The following RPS6KA2 variants were observed in gnomAD, a reference collection of about 807,000 sequenced individuals.
RPS6KA2 encodes ribosomal protein S6 kinase alpha-2.
In RPS6KA2, 42 loss-of-function variants were observed where a neutral mutation model predicts 91.8. The observed-to-expected ratio is 0.46, with a 90% CI of 0.36 to 0.59. The LOEUF (loss-of-function observed/expected upper bound fraction) is 0.59, where lower values mean the gene tolerates loss of function less well. Among genes scored for constraint, RPS6KA2 ranks in the 20% least tolerant of loss-of-function variants. The pLI is 0.00. For missense variants in RPS6KA2, 798 were observed against 978.5 expected (o/e 0.82, Z 2.46); for synonymous variants, 414 against 393.6 (o/e 1.05, Z -0.61).
At chr6:166,523,940 C>T (rs1782940423) in intron 3 of RPS6KA2, among the ~76,000 whole-genome samples, 1 of 152,200 alleles carries the variant, frequency 6.6e-6, no homozygotes, top group African/African-American at 2.4e-5. Context: ...TCTGCATTCC[C>T]AGTGCCTCTG....
chr6:166,536,579 A>G (rs867068878), intron 2 of RPS6KA2, among the ~76,000 whole-genome samples: 14 of 152,184 alleles, frequency 9.2e-5, no homozygotes, highest in South Asian at 2.1e-4. Flanking sequence ...TGAGAATAGT[A>G]TCTCTTCTTT....
intron 2 of RPS6KA2, among the ~76,000 whole-genome samples, chr6:166,814,169 T>C (rs891269463): frequency 1.3e-5 from 2 of 152,240 alleles, no homozygotes; most frequent in African/African-American, 4.8e-5. Context: ...ACATGGATGA[T>C]AGTATGTTTC....
At chr6:166,641,031 A>G (rs1392748434) in intron 2 of RPS6KA2, among the ~76,000 whole-genome samples, 1 of 152,196 alleles carries the variant, frequency 6.6e-6, no homozygotes, top group Non-Finnish European at 1.5e-5. Context: ...ACTCCAATCC[A>G]AACTTATAGT....
chr6:166,450,142 C>G (rs143699034), intron 13 of RPS6KA2, among the ~76,000 whole-genome samples: 2 of 149,574 alleles, frequency 1.3e-5, no homozygotes, highest in Non-Finnish European at 3.0e-5. Flanking sequence ...ACCATGGGAA[C>G]CACCACAGGG....
intron 1 of RPS6KA2, among the ~76,000 whole-genome samples, chr6:166,608,710 T>C (rs1362699065): frequency 6.6e-6 from 1 of 152,178 alleles, no homozygotes; most frequent in Non-Finnish European, 1.5e-5. Context: ...CCTCACAAGT[T>C]TTCTATTTCT....
rs897983580 is a variant in RPS6KA2 at position 166,568,556 on chromosome 6, T to C, written c.100-29772A>G. Reference sequence around the variant, plus strand: ...TTGCTTGAACCTGGGAGGCAGAGGTTGCGGAGAGCCGAGATTGCGCCATCG... The same window carrying C: ...TTGCTTGAACCTGGGAGGCAGAGGTCGCGGAGAGCCGAGATTGCGCCATCG... On this transcript the variant is annotated intron_variant, in intron 1 of 20. Transcript: ENST00000265678. Among the ~76,000 whole-genome samples, 12 of 129,938 alleles carry C rather than the reference T, an allele frequency of 9.2e-5. 1 individual carries two copies. Among genetic ancestry groups the C allele is most frequent in the Non-Finnish European group, 1.7e-4 (11 of 64,296 alleles). The allele number at this position is 129,938 out of a possible 152,430, so 85.2% of individuals were successfully genotyped here.
At chr6:166,826,504 CCA>C (rs746364404) in intron 2 of RPS6KA2, among the ~76,000 whole-genome samples, 1 of 152,158 alleles carries the variant, frequency 6.6e-6, no homozygotes, top group Non-Finnish European at 1.5e-5. Flanking sequence ...GGAGAATCTC[CCA>C]CACACCTCCT....
chr6:166,682,951 A>G (rs1400253319), intron 2 of RPS6KA2, among the ~76,000 whole-genome samples: 1 of 152,222 alleles, frequency 6.6e-6, no homozygotes, highest in Non-Finnish European at 1.5e-5. Flanking sequence ...AGTTGAAGGC[A>G]TGAATGAAGT....
chr6:166,783,846 A>C (rs1024109095), intron 2 of RPS6KA2, among the ~76,000 whole-genome samples: 1 of 58,332 alleles, frequency 1.7e-5, no homozygotes, highest in Non-Finnish European at 4.0e-5. Flanking sequence ...ACACCTATCT[A>C]TACCACATAT....
At chr6:166,644,950 C>A (rs1787561299) in intron 2 of RPS6KA2, among the ~76,000 whole-genome samples, 1 of 152,118 alleles carries the variant, frequency 6.6e-6, no homozygotes, top group South Asian at 2.1e-4. Context: ...CTAGGGAACA[C>A]CAAGGATTGC....
chr6:166,767,774 AACACACAC>A lies in RPS6KA2; in HGVS notation c.123+90418_123+90425del, dbSNP rs71639661. Among the ~76,000 whole-genome samples, 944 of 146,920 alleles carry A rather than the reference AACACACAC, an allele frequency of 6.4e-3. 4 individuals carry two copies. Among genetic ancestry groups the A allele is most frequent in the African/African-American group, 0.017 (662 of 39,874 alleles). ...AAGAACTAAAGACAATACCTCCTCA[AACACACAC>A]ACACACACACACACACACACACACA... On this transcript the variant is annotated intron_variant, in intron 2 of 21. Coordinates refer to the RPS6KA2 transcript ENST00000503859. The surrounding 1 kb of genome is among the most constrained non-coding windows in gnomAD (Gnocchi z 4.6).
At chr6:166,470,973 G>A (rs908596846) in intron 10 of RPS6KA2, among the ~76,000 whole-genome samples, 2 of 152,184 alleles carry the variant, frequency 1.3e-5, no homozygotes, top group Non-Finnish European at 1.5e-5. Context: ...TTGGCTGGAA[G>A]GGGCAGTGGC....
At chr6:166,806,590 G>A (rs901061882) in intron 2 of RPS6KA2, among the ~76,000 whole-genome samples, 1 of 152,130 alleles carries the variant, frequency 6.6e-6, no homozygotes, top group Non-Finnish European at 1.5e-5. Flanking sequence ...AAATGCAGGG[G>A]GAGTTTGTTA....
At chr6:166,510,141 C>T (rs753207784) in intron 4 of RPS6KA2, 136 bp downstream of exon 4, 3 of 473,262 alleles carry the variant, frequency 6.3e-6, no homozygotes, top group African/African-American at 6.0e-5. Context: ...AGGCACCTTC[C>T]TCCCCAGGCA....
intron 1 of RPS6KA2, chr6:166,586,031 CA>C (rs1785158565): frequency 3.2e-6 from 2 of 619,348 alleles, no homozygotes; most frequent in Admixed American, 4.4e-5. Flanking sequence ...TCTGTAAAAT[CA>C]GATGTAAAAC....
intron 3 of RPS6KA2, among the ~76,000 whole-genome samples, chr6:166,519,910 C>G (rs971507990): frequency 7.9e-5 from 12 of 152,194 alleles, no homozygotes; most frequent in African/African-American, 2.9e-4. Context: ...AAGAGATGCC[C>G]AGAGAGCTGG....
chr6:166,443,712 G>T (rs185808522), intron 14 of RPS6KA2, among the ~76,000 whole-genome samples: 1 of 152,216 alleles, frequency 6.6e-6, no homozygotes, highest in East Asian at 1.9e-4. Flanking sequence ...TGCAAATGGC[G>T]CCACGTATGG....
intron 2 of RPS6KA2, among the ~76,000 whole-genome samples, chr6:166,789,802 C>A (rs1368070377): frequency 6.6e-6 from 1 of 152,196 alleles, no homozygotes; most frequent in African/African-American, 2.4e-5. Context: ...AACTGAGGGT[C>A]CTGTCTGTTA....
intron 19 of RPS6KA2, among the ~76,000 whole-genome samples, chr6:166,417,617 C>A (rs933636798): frequency 7.7e-5 from 8 of 103,638 alleles, no homozygotes; most frequent in African/African-American, 2.3e-4. Flanking sequence ...ATCTCTCTCT[C>A]TATACACACA....
Sources: allele counts gnomAD v4.1 joint callset (sites outside exome capture counted in the v4.1 genomes callset), GRCh38; gene constraint gnomAD v4.1.1; non-coding constraint Gnocchi (gnomAD v3.1); transcripts MANE v1.5; gene names NCBI Gene and HGNC (gene_info 2026-07-23, HGNC 2026-07-21).